STAR: variants seen among roughly 807,000 people sequenced by gnomAD.
STAR encodes the protein steroidogenic acute regulatory protein, also known as steroidogenic acute regulatory protein, mitochondrial.
A neutral mutation model predicts 32.3 loss-of-function variants in STAR; 32 were observed. The observed-to-expected ratio is 0.99, with a 90% CI of 0.75 to 1.33. The LOEUF is 1.33. STAR is among the 40% of genes most tolerant of loss of function. STAR has a pLI of 0.00. For synonymous variants in STAR, 134 were observed against 140.5 expected (o/e 0.95, Z 0.33); for missense variants, 375 against 379.0 (o/e 0.99, Z 0.09).
chr8:38,148,596 A>G (rs1475889080), intron 2 of STAR, 45 bp downstream of exon 2: 2 of 1,561,766 alleles, frequency 1.3e-6, no homozygotes, highest in Non-Finnish European at 8.8e-7. Flanking sequence ...CCTCCAGGGA[A>G]CCTCCTGCCA....
rs576040058 is a variant in STAR, at chr8:38,142,872, C to G, written c.*1401G>C. On this transcript the variant is annotated 3_prime_UTR_variant, in exon 7 of 7. Transcript: ENST00000276449. Reference sequence around the variant, plus strand: ...TGCTTTCACCATATTACCCCTTCTTCCAGCCACTTCTCCCAGAATACTAAA... The same window carrying G: ...TGCTTTCACCATATTACCCCTTCTTGCAGCCACTTCTCCCAGAATACTAAA... Among the ~76,000 whole-genome samples, 3 of 152,262 alleles carry G rather than the reference C, an allele frequency of 2.0e-5. No homozygotes were observed. The highest frequency in any genetic ancestry group is 7.2e-5 in the African/African-American group (3 of 41,560).
rs1802651125 is a variant in STAR, at chr8:38,150,682, A to G, written c.64+73T>C. ...CCCAGTAAGAGGCACAACTAGGATC[A>G]GAATTGGGTGGCCTGAGCCTCATCC... On this transcript the variant is annotated intron_variant, in intron 1 of 6. Transcript: ENST00000276449. 17 of 1,599,140 alleles carry G rather than the reference A, an allele frequency of 1.1e-5. No homozygotes were observed. The South Asian group carries it at 1.8e-4, about 17-fold the overall frequency.
rs779412613 is a variant in STAR at position 38,145,961 on chromosome 8, A to T, written c.650+2T>A. 6.2e-7 allele frequency: 1 copy of T among 1,613,638 alleles called. No homozygotes were observed. On this transcript the variant is annotated splice_donor_variant, in intron 5 of 6. Coordinates refer to ENST00000276449, the MANE Select transcript of STAR (RefSeq NM_000349.3). LOFTEE classifies it high-confidence loss of function. ...GGGTTTGGAGCCTGCTGCCCGTATT[A>T]CCTGATGACACCCTTCTGCTCAGGC... is the stretch of plus-strand genomic sequence containing the variant.
intron 3 of STAR, among the ~76,000 whole-genome samples, chr8:38,146,767 C>G (rs1442628747): frequency 2.3e-5 from 2 of 85,574 alleles, no homozygotes; most frequent in African/African-American, 7.9e-5. Flanking sequence ...AGAGTTGTCT[C>G]AAAAAAAAAA....
intron 6 of STAR, chr8:38,144,636 T>A: frequency 1.5e-6 from 2 of 1,317,626 alleles, no homozygotes; most frequent in Non-Finnish European, 2.0e-6. Flanking sequence ...GAACCAGTTA[T>A]GTTGCCTTTT....
At chr8:38,148,518 G>A (rs997658519) in intron 2 of STAR, 123 bp downstream of exon 2, 1 of 1,325,984 alleles carries the variant, frequency 7.5e-7, no homozygotes, top group Non-Finnish European at 1.1e-6. Context: ...AGGAACTCTA[G>A]GCTGGGGACG....
At chr8:38,147,571 G>A (rs1386909579) in intron 3 of STAR, among the ~76,000 whole-genome samples, 1 of 152,202 alleles carries the variant, frequency 6.6e-6, no homozygotes, top group Non-Finnish European at 1.5e-5. Context: ...CAAACTAGTA[G>A]TCTGTTAACT....
intron 3 of STAR, among the ~76,000 whole-genome samples, chr8:38,146,921 A>C (rs186201127): frequency 6.6e-6 from 1 of 151,788 alleles, no homozygotes; most frequent in African/African-American, 2.4e-5. Context: ...CATTGTTGCC[A>C]TGGCCTTGTG....
rs188044385 is a variant in STAR at position 38,146,132 on chromosome 8, C to A, written c.481G>T (p.Gly161Ter). ...VKEIKVLQKI[G>*]KDTFITHELA... ...TCGTGAGTAATGAATGTATCTTTTC[C>A]GATCTTCTGCAGGACCTACCAGGCC... Residue 161 changes from glycine to a stop codon, truncating the protein, a stop_gained, in exon 5 of 7, where the codon GGA (glycine) becomes TGA (stop). Coordinates refer to ENST00000276449, the MANE Select transcript of STAR (RefSeq NM_000349.3). LOFTEE classifies it high-confidence loss of function. The A allele has an allele frequency of 1.2e-6, 2 of 1,613,972 alleles. No homozygotes were observed. Among genetic ancestry groups the A allele is most frequent in the Admixed American group, 3.3e-5 (2 of 60,002 alleles).
At chr8:38,148,099 T>TC in intron 3 of STAR, 101 bp downstream of exon 3, 1 of 1,529,268 alleles carries the variant, frequency 6.5e-7, no homozygotes, top group Non-Finnish European at 9.0e-7. Flanking sequence ...ACCCAGTGAC[T>TC]GCTGCATGAG....
At chr8:38,145,576 A>G in intron 5 of STAR, 1 of 581,200 alleles carries the variant, frequency 1.7e-6, no homozygotes, top group African/African-American at 1.9e-5. Context: ...TGTCAGGGAA[A>G]GGATTCAGGC....
chr8:38,147,818 C>G (rs556491098), intron 3 of STAR, among the ~76,000 whole-genome samples: 2 of 152,226 alleles, frequency 1.3e-5, no homozygotes, highest in Non-Finnish European at 2.9e-5. Context: ...GAGCCCACAT[C>G]ACCCCTGCAA....
At position 38,150,842 on chromosome 8, in the gene STAR, G is replaced by A. The variant is rs773156052; in HGVS notation, c.-24C>T. On this transcript the variant is annotated 5_prime_UTR_variant, in exon 1 of 7. Transcript: ENST00000276449. ...ATTGTTTCCTGGCAAATGTGGCAGT[G>A]GTGGGGTCGCTGCCGCTGCTGCTGC... is the stretch of plus-strand genomic sequence containing the variant. The A allele has an allele frequency of 5.0e-6, 8 of 1,603,226 alleles. No homozygotes were observed. In the East Asian group the frequency reaches 1.8e-4, roughly 36 times the overall value.
At chr8:38,147,747 C>T (rs1343263875) in intron 3 of STAR, among the ~76,000 whole-genome samples, 1 of 152,220 alleles carries the variant, frequency 6.6e-6, no homozygotes, top group Non-Finnish European at 1.5e-5. Context: ...AGTGCTCAAG[C>T]GCAGAGAACC....
In STAR at chr8:38,150,736, T is replaced by C. The variant is rs772020113; in HGVS notation, c.64+19A>G. On this transcript the variant is annotated intron_variant, in intron 1 of 6. Transcript: ENST00000276449. ...GAGAGCTGGCCAACCCCTCATCGCC[T>C]CCTTCCCGCAGCGCTCACCCTTCAT... 31 of 1,605,642 alleles carry C rather than the reference T, an allele frequency of 1.9e-5. No homozygotes were observed. The highest frequency in any genetic ancestry group is 3.3e-4 in the Middle Eastern group (2 of 6,084).
At chr8:38,149,663 G>C (rs1301534711) in intron 1 of STAR, among the ~76,000 whole-genome samples, 2 of 152,140 alleles carry the variant, frequency 1.3e-5, no homozygotes, top group Non-Finnish European at 2.9e-5. Context: ...TCTGAAGGAA[G>C]GCAAAGTCAG....
rs1802533744 is a variant in STAR, at chr8:38,144,825, A to G, written c.744+397T>C. On this transcript the variant is annotated intron_variant, in intron 6 of 6. Transcript: ENST00000276449. The stretch of plus-strand genomic sequence containing the variant: ...GGAGTTTGAGACCAGCCTGGCCACC[A>G]TAGTGAAACCCCGTCTCTACTAAAA... 5 of 550,794 alleles carry G rather than the reference A, an allele frequency of 9.1e-6. No individual in the cohort carries two copies. In the Admixed American group the frequency reaches 1.2e-4, roughly 13 times the overall value. 34.1% of individuals were successfully genotyped at this position (550,794 alleles called of 1,614,324 possible).
chr8:38,145,358 CTCTCTT>C, intron 5 of STAR, 43 bp from the exon 6 acceptor site: 1 of 1,613,268 alleles, frequency 6.2e-7, no homozygotes, highest in Non-Finnish European at 8.5e-7. Context: ...GTTGCGAGTT[CTCTCTT>C]GCACTGGCTG....
At chr8:38,149,597 C>T (rs966743603) in intron 1 of STAR, among the ~76,000 whole-genome samples, 3 of 152,126 alleles carry the variant, frequency 2.0e-5, no homozygotes, top group Admixed American at 6.5e-5. Flanking sequence ...CTAATATTTA[C>T]TCTGCCACTG....
Sources: allele counts gnomAD v4.1 joint callset (sites outside exome capture counted in the v4.1 genomes callset), GRCh38; gene constraint gnomAD v4.1.1; transcripts MANE v1.5; gene names NCBI Gene and HGNC (gene_info 2026-07-23, HGNC 2026-07-21).